The following GNAL variants were observed in gnomAD, a reference collection of about 807,000 sequenced individuals.
The protein encoded by GNAL is guanine nucleotide-binding protein G(olf) subunit alpha.
GNAL carries 18 observed loss-of-function variants against 55.1 expected under a neutral mutation model. That is an observed-to-expected ratio of 0.33 (90% CI 0.23 to 0.48). The LOEUF is 0.48. Among genes scored for constraint, GNAL ranks in the 20% least tolerant of loss-of-function variants. The pLI is 0.99. For synonymous variants in GNAL, 253 were observed against 237.0 expected, an observed-to-expected ratio of 1.07 and a Z score of -0.62; for missense variants, 412 against 614.1, an observed-to-expected ratio of 0.67 and a Z score of 3.48.
At chr18:11,744,852 A>C (rs2032654720) in intron 1 of GNAL, among the ~76,000 whole-genome samples, 2 of 152,218 alleles carry the variant, frequency 1.3e-5, no homozygotes, top group Non-Finnish European at 2.9e-5. Context: ...CTGGGACTAC[A>C]GGTGCATCCC....
intron 1 of GNAL, among the ~76,000 whole-genome samples, chr18:11,714,861 A>G (rs2031916865): frequency 6.6e-6 from 1 of 152,168 alleles, no homozygotes; most frequent in Admixed American, 6.5e-5. Flanking sequence ...CACATTAAGG[A>G]TAGCTAATGC....
At chr18:11,782,665 C>T (rs2033952591) in intron 4 of GNAL, among the ~76,000 whole-genome samples, 1 of 151,890 alleles carries the variant, frequency 6.6e-6, no homozygotes, top group Admixed American at 6.6e-5. Flanking sequence ...ATGGGTGTTC[C>T]TTTTATGATT....
intron 1 of GNAL, among the ~76,000 whole-genome samples, chr18:11,705,239 A>G (rs1271372068): frequency 6.6e-6 from 1 of 151,024 alleles, no homozygotes; most frequent in Non-Finnish European, 1.5e-5. Context: ...TTAACTCAGC[A>G]TTCCCTCCAG....
At chr18:11,874,743 T>C (rs1313986477) in intron 10 of GNAL, among the ~76,000 whole-genome samples, 9 of 133,382 alleles carry the variant, frequency 6.7e-5, no homozygotes, top group African/African-American at 2.6e-4. Flanking sequence ...ATAAATGACA[T>C]GGGCGCTCCC....
chr18:11,788,596 G>C (rs1055400559), intron 4 of GNAL, among the ~76,000 whole-genome samples: 1 of 152,004 alleles, frequency 6.6e-6, no homozygotes, highest in African/African-American at 2.4e-5. Context: ...TGTTGGCCGG[G>C]CATGGTGGCT....
chr18:11,713,856 G>A (rs1432530102), intron 1 of GNAL, among the ~76,000 whole-genome samples: 1 of 152,136 alleles, frequency 6.6e-6, no homozygotes, highest in African/African-American at 2.4e-5. Flanking sequence ...AATCTGCAAG[G>A]TGAGACCCAT....
intron 4 of GNAL, among the ~76,000 whole-genome samples, chr18:11,757,988 GA>G (rs2033116069): frequency 6.6e-6 from 1 of 152,102 alleles, no homozygotes. Flanking sequence ...TGCTGTGGAG[GA>G]AGGCTGAGGA....
chr18:11,790,210 A>G (rs2034189603), intron 4 of GNAL, among the ~76,000 whole-genome samples: 1 of 152,120 alleles, frequency 6.6e-6, no homozygotes, highest in Admixed American at 6.5e-5. Flanking sequence ...TCTTTTGTGC[A>G]AGTGGGCAGG....
chr18:11,829,968 G>A (rs991879712), intron 5 of GNAL, among the ~76,000 whole-genome samples: 6 of 152,122 alleles, frequency 3.9e-5, no homozygotes, highest in African/African-American at 1.4e-4. Flanking sequence ...TGAAATCCGT[G>A]TACTCCAGCC....
chr18:11,832,731 G>A (rs1412619620), intron 5 of GNAL, among the ~76,000 whole-genome samples: 6 of 151,868 alleles, frequency 4.0e-5, no homozygotes, highest in Admixed American at 3.3e-4. Flanking sequence ...GGTGGTGCAC[G>A]CGCCTTTAAT....
chr18:11,730,020 G>A (rs2143437256), intron 1 of GNAL, among the ~76,000 whole-genome samples: 1 of 151,646 alleles, frequency 6.6e-6, no homozygotes, highest in South Asian at 2.1e-4. Flanking sequence ...AAAGAGTTAA[G>A]TTTTTCTTTT....
At position 11,864,578 on chromosome 18, in the gene GNAL, C is replaced by A. The variant is rs2036218609; in HGVS notation, c.823C>A (p.Arg275=). Residue 275 remains arginine (R), a synonymous_variant, in exon 7 of 12, where the codon CGA becomes AGA. Coordinates refer to ENST00000334049, the MANE Select transcript of GNAL (RefSeq NM_182978.4). The part of the protein sequence containing the change: ...RVLTSGIFET[R]FQVDKVNFHM... ...TCTGACATCTGGGATTTTTGAGACA[C>A]GATTCCAAGTGGACAAAGTAAACTT... 1 of 1,586,640 alleles carries A rather than the reference C, an allele frequency of 6.3e-7. No homozygotes were observed. The highest frequency in any genetic ancestry group is 8.7e-7 in the Non-Finnish European group (1 of 1,154,978).
intron 1 of GNAL, among the ~76,000 whole-genome samples, chr18:11,698,781 C>T (rs1376382767): frequency 6.6e-6 from 1 of 152,130 alleles, no homozygotes; most frequent in Non-Finnish European, 1.5e-5. Flanking sequence ...CTTTGTTTGA[C>T]CCTTGCTGTG....
chr18:11,707,163 A>G (rs1283741707), intron 1 of GNAL, among the ~76,000 whole-genome samples: 1 of 152,202 alleles, frequency 6.6e-6, no homozygotes, highest in Non-Finnish European at 1.5e-5. Flanking sequence ...ATGTGCCACC[A>G]TGCTTGGCTA....
At chr18:11,768,058 T>G (rs1420177591) in intron 4 of GNAL, among the ~76,000 whole-genome samples, 1 of 152,224 alleles carries the variant, frequency 6.6e-6, no homozygotes, top group Non-Finnish European at 1.5e-5. Context: ...TTTGACATTT[T>G]TTATGCCTGA....
chr18:11,707,804 G>A (rs982889819), intron 1 of GNAL, among the ~76,000 whole-genome samples: 8 of 152,272 alleles, frequency 5.3e-5, no homozygotes, highest in South Asian at 4.1e-4. Flanking sequence ...AGATCTTCTG[G>A]TTAACTTTCT....
In GNAL at chr18:11,816,390, G is replaced by A. The variant is rs368989778; in HGVS notation, c.625-8528G>A. On this transcript the variant is annotated intron_variant, in intron 4 of 11. Coordinates refer to ENST00000334049, the MANE Select transcript of GNAL (RefSeq NM_182978.4). ...CAGCTCACTGCAGCCTCTGCCTCCC[G>A]GGTTCAAGCGATTCTCCTGCCTCAG... 7.6e-4 allele frequency among the ~76,000 whole-genome samples: 116 copies of A among 151,876 alleles called. No individual in the cohort carries two copies. The South Asian group carries it at 0.01, about 14-fold the overall frequency.
intron 5 of GNAL, chr18:11,857,363 A>G (rs191038426): frequency 6.1e-5 from 24 of 396,444 alleles, no homozygotes; most frequent in African/African-American, 4.1e-4. Context: ...GGGGGAAAAA[A>G]AGCAGGAATG....
chr18:11,707,434 C>T (rs879006020), intron 1 of GNAL, among the ~76,000 whole-genome samples: 6 of 152,030 alleles, frequency 3.9e-5, no homozygotes, highest in Non-Finnish European at 7.4e-5. Context: ...TCTTTTTTTC[C>T]GAGCAATACG....
Sources: allele counts gnomAD v4.1 joint callset (sites outside exome capture counted in the v4.1 genomes callset), GRCh38; gene constraint gnomAD v4.1.1; transcripts MANE v1.5; gene names NCBI Gene and HGNC (gene_info 2026-07-23, HGNC 2026-07-21).